The following MTA1 variants were observed in gnomAD, a reference collection of about 807,000 sequenced individuals.
MTA1 encodes the protein metastasis-associated protein MTA1.
A neutral mutation model predicts 97.0 loss-of-function variants in MTA1; 15 were observed. That is an observed-to-expected ratio of 0.15 (90% CI 0.10 to 0.24). The LOEUF is 0.24. Ranked by LOEUF, MTA1 falls within the 10% of genes least tolerant of loss-of-function variation. The probability of loss-of-function intolerance (pLI) is 1.00; values close to 1 mark genes in which losing one functional copy is unlikely to be tolerated. For synonymous variants in MTA1, 435 were observed against 417.5 expected, an observed-to-expected ratio of 1.04 and a Z score of -0.51; for missense variants, 709 against 1,015.1, an observed-to-expected ratio of 0.70 and a Z score of 4.10.
rs587754555 is a variant in MTA1, at chr14:105,466,660, G to C, written c.1778-47G>C. The stretch of plus-strand genomic sequence containing the variant: ...GTCCCCGCCCGGGCACCCGCCGTGC[G>C]TGCTGACGCTGTCTTCTCTCCCTCT... On this transcript the variant is annotated intron_variant, in intron 17 of 20. Transcript: ENST00000331320. 63 of 1,601,408 alleles carry C rather than the reference G, an allele frequency of 3.9e-5. No individual in the cohort carries two copies. The African/African-American group carries it at 6.3e-4, about 16-fold the overall frequency.
chr14:105,470,481 G>A lies in MTA1; in HGVS notation c.*266G>A. The A allele has an allele frequency of 4.9e-6, 2 of 408,834 alleles. No homozygotes were observed. Among genetic ancestry groups the A allele is most frequent in the Non-Finnish European group, 4.3e-6 (1 of 232,316 alleles). 25.3% of individuals were successfully genotyped at this position (408,834 alleles called of 1,614,324 possible). Reference sequence around the variant, plus strand: ...AGGGGCCACCCCGTGCCCCTGTGCTGCGGGGCCTTTTGCCCGGAGGCCGGG... The same window carrying A: ...AGGGGCCACCCCGTGCCCCTGTGCTACGGGGCCTTTTGCCCGGAGGCCGGG... On this transcript the variant is annotated 3_prime_UTR_variant, in exon 21 of 21. Coordinates refer to ENST00000331320, the MANE Select transcript of MTA1 (RefSeq NM_004689.4).
chr14:105,449,964 C>T, intron 4 of MTA1, 94 bp from the exon 5 acceptor site: 2 of 1,565,472 alleles, frequency 1.3e-6, no homozygotes, highest in Non-Finnish European at 1.7e-6. Flanking sequence ...GACTGGGCCT[C>T]CTGCGTGCTG....
chr14:105,439,471 G>A (rs962473324), intron 2 of MTA1, among the ~76,000 whole-genome samples: 6 of 152,170 alleles, frequency 3.9e-5, no homozygotes, highest in African/African-American at 7.2e-5. Context: ...CACAGCCTCC[G>A]TCCCATCAGC....
chr14:105,469,677 C>G (rs781038777), intron 19 of MTA1, 164 bp from the exon 20 acceptor site: 18 of 1,221,742 alleles, frequency 1.5e-5, no homozygotes, highest in African/African-American at 3.0e-5. Context: ...CAGCGGTGTG[C>G]GGCCGACCAG....
chr14:105,428,700 A>C (rs2141420009), intron 1 of MTA1, among the ~76,000 whole-genome samples: 1 of 143,114 alleles, frequency 7.0e-6, no homozygotes, highest in Admixed American at 7.5e-5. Flanking sequence ...TTCTACAGAA[A>C]CCAAAAAGAA....
In MTA1 at chr14:105,430,454, A is replaced by G. The variant is rs187897590; in HGVS notation, c.29-8218A>G. On this transcript the variant is annotated intron_variant, in intron 1 of 20. Coordinates refer to ENST00000331320, the MANE Select transcript of MTA1 (RefSeq NM_004689.4). ...ATTACAATAGTAGCATCGAGGAGCA[A>G]TGACCACAGATCGCCATCACAGATA... 2.0e-5 allele frequency among the ~76,000 whole-genome samples: 3 copies of G among 152,314 alleles called. No individual in the cohort carries two copies. In the East Asian group the frequency reaches 5.8e-4, roughly 29 times the overall value.
At position 105,463,382 on chromosome 14, in the gene MTA1, C is replaced by G; in HGVS notation, c.1018-111C>G. 2 of 1,491,838 alleles carry G rather than the reference C, an allele frequency of 1.3e-6. No individual in the cohort carries two copies. Among genetic ancestry groups the G allele is most frequent in the Non-Finnish European group, 1.9e-6 (2 of 1,073,658 alleles). The allele number at this position is 1,491,838 out of a possible 1,614,324, so 92.4% of individuals were successfully genotyped here. On this transcript the variant is annotated intron_variant, in intron 11 of 20. Coordinates refer to ENST00000331320, the MANE Select transcript of MTA1 (RefSeq NM_004689.4). The surrounding 1 kb of genome is among the most constrained non-coding windows in gnomAD (Gnocchi z 5.9). ...GGAAGGAAGACTCCTGAGTCCCTGG[C>G]CCGGCTGTCCTCTCCGTGGTGCTCT...
intron 2 of MTA1, among the ~76,000 whole-genome samples, chr14:105,439,443 TG>T (rs1222671842): frequency 6.6e-6 from 1 of 152,202 alleles, no homozygotes; most frequent in Admixed American, 6.5e-5. Flanking sequence ...CAGCCACTCC[TG>T]GCCTCCACTG....
rs587775163 is a variant in MTA1, at chr14:105,449,769, G to A, written c.242-289G>A. On this transcript the variant is annotated intron_variant, in intron 4 of 20. Coordinates refer to ENST00000331320, the MANE Select transcript of MTA1 (RefSeq NM_004689.4). ...TGCCTGCTGCTTCTGGGGCTGGCCCGGACCTTGTTCTCCCTCCTCCTTCCA... is the reference window on the plus strand; with the variant it reads ...TGCCTGCTGCTTCTGGGGCTGGCCCAGACCTTGTTCTCCCTCCTCCTTCCA... Among the ~76,000 whole-genome samples the A allele has an allele frequency of 4.9e-4, 75 of 152,324 alleles. 1 individual carries two copies. Among genetic ancestry groups the A allele is most frequent in the Middle Eastern group, 3.4e-3 (1 of 294 alleles).
intron 2 of MTA1, among the ~76,000 whole-genome samples, chr14:105,443,737 A>T (rs1555426331): frequency 2.0e-5 from 3 of 151,824 alleles, no homozygotes. Flanking sequence ...GCTGGAGTCC[A>T]GGAGTTCAAG....
In MTA1 at chr14:105,469,935, G is replaced by A. The variant is rs782030042; in HGVS notation, c.1940G>A (p.Arg647Gln). The stretch of plus-strand genomic sequence containing the variant: ...TCCCTGCCCCCAGTCAAGCGGCGGC[G>A]GATGAACTGGATCGACGCCCCGGAT... The part of the protein sequence containing the change: ...GGSLPPVKRR[R>Q]MNWIDAPDDV... The change falls in exon 20 of 21, where the codon CGG (arginine) becomes CAG (glutamine). Residue 647 changes from arginine (R) to glutamine (Q), a missense_variant. Transcript: ENST00000331320. The A allele has an allele frequency of 1.2e-5, 20 of 1,612,098 alleles. No individual in the cohort carries two copies. Among genetic ancestry groups the A allele is most frequent in the East Asian group, 2.2e-5 (1 of 44,874 alleles).
chr14:105,426,172 G>A (rs587733438), intron 1 of MTA1, among the ~76,000 whole-genome samples: 1 of 152,118 alleles, frequency 6.6e-6, no homozygotes, highest in Non-Finnish European at 1.5e-5. Context: ...GACCCCTGGG[G>A]CATGGAGGGG....
At chr14:105,442,340 T>TA in intron 2 of MTA1, among the ~76,000 whole-genome samples, 1 of 152,304 alleles carries the variant, frequency 6.6e-6, no homozygotes, top group South Asian at 2.1e-4. Context: ...TCCGCGCCTT[T>TA]CCAACACGAG....
In MTA1 at chr14:105,466,471, C is replaced by G; in HGVS notation, c.1670C>G (p.Ser557Cys). The G allele has an allele frequency of 3.0e-6, 4 of 1,320,948 alleles. No individual in the cohort carries two copies. The highest frequency in any genetic ancestry group is 3.1e-6 in the Non-Finnish European group (3 of 983,450). 81.8% of individuals were successfully genotyped at this position (1,320,948 alleles called of 1,614,324 possible). A position where few individuals can be genotyped will look rare whatever the true frequency, so the allele number is the denominator to read the frequency against. ...AAGCCTGACCCCGTGAAAAGCGTGT[C>G]CAGCGTGCTCAGCAGCCTGACGCCC... Reference protein sequence around the residue: ...PPKPDPVKSVSSVLSSLTPAK... With the variant: ...PPKPDPVKSVCSVLSSLTPAK... Residue 557 changes from serine (S) to cysteine (C), a missense_variant, in exon 17 of 21, where the codon TCC becomes TGC. Ser to Cys is a moderately radical substitution (Grantham distance 112). Transcript: ENST00000331320.
intron 3 of MTA1, among the ~76,000 whole-genome samples, chr14:105,446,404 G>A (rs1344407108): frequency 6.6e-6 from 1 of 152,214 alleles, no homozygotes; most frequent in Non-Finnish European, 1.5e-5. Context: ...TACCCGTGTC[G>A]CTGGGGTGGG....
intron 3 of MTA1, among the ~76,000 whole-genome samples, chr14:105,446,391 G>T (rs1013981760): frequency 3.9e-5 from 6 of 152,234 alleles, no homozygotes; most frequent in Admixed American, 2.0e-4. Flanking sequence ...GTGACTGCCC[G>T]GGTACCCGTG....
intron 6 of MTA1, among the ~76,000 whole-genome samples, chr14:105,453,036 C>T (rs138829676): frequency 3.3e-5 from 5 of 152,278 alleles, no homozygotes; most frequent in African/African-American, 9.6e-5. Flanking sequence ...CAGGCCCGGA[C>T]AGGCCTGCTT....
chr14:105,455,247 G>A (rs1043345057), intron 7 of MTA1, among the ~76,000 whole-genome samples: 1 of 152,222 alleles, frequency 6.6e-6, no homozygotes, highest in Non-Finnish European at 1.5e-5. Context: ...ATTTTCTTCT[G>A]TGTGAATCTG....
chr14:105,419,921 G>A lies in MTA1; in HGVS notation c.-115G>A. The stretch of plus-strand genomic sequence containing the variant: ...CGGCGGCGGCGGCGGCAGCAGCGCG[G>A]CCCCTTTAAACGCCTGCGGCGCCCC... On this transcript the variant is annotated 5_prime_UTR_variant, in exon 1 of 21. Coordinates refer to ENST00000331320, the MANE Select transcript of MTA1 (RefSeq NM_004689.4). 3.3e-6 allele frequency: 1 copy of A among 299,832 alleles called. No individual in the cohort carries two copies. The highest frequency in any genetic ancestry group is 4.9e-6 in the Non-Finnish European group (1 of 204,928). The allele number at this position is 299,832 out of a possible 1,614,324, so 18.6% of individuals were successfully genotyped here.
Sources: allele counts gnomAD v4.1 joint callset (sites outside exome capture counted in the v4.1 genomes callset), GRCh38; gene constraint gnomAD v4.1.1; non-coding constraint Gnocchi (gnomAD v3.1); transcripts MANE v1.5; gene names NCBI Gene and HGNC (gene_info 2026-07-23, HGNC 2026-07-21).